Variants in CADM2 observed in about 807,000 individuals in gnomAD.
CADM2 encodes immunoglobulin superfamily member 4D.
CADM2 carries 12 observed loss-of-function variants against 49.8 expected under a neutral mutation model. The ratio of observed to expected loss-of-function variants is 0.24; its 90% confidence interval spans 0.15 to 0.39. The LOEUF (loss-of-function observed/expected upper bound fraction) is 0.39, where lower values mean the gene tolerates loss of function less well. Ranked by LOEUF, CADM2 falls within the 10% of genes least tolerant of loss-of-function variation. The pLI is 1.00. For synonymous variants in CADM2, 214 were observed against 175.4 expected, an observed-to-expected ratio of 1.22 and a Z score of -1.74; for missense variants, 378 against 492.3, an observed-to-expected ratio of 0.77 and a Z score of 2.20.
intron 1 of CADM2, among the ~76,000 whole-genome samples, chr3:85,313,672 CCTA>C (rs2044398223): frequency 6.6e-6 from 1 of 152,156 alleles, no homozygotes; most frequent in African/African-American, 2.4e-5. Flanking sequence ...TTAATGAAAA[CCTA>C]CTTTTGTATT....
At chr3:85,491,981 C>G (rs2039696112) in intron 1 of CADM2, among the ~76,000 whole-genome samples, 1 of 151,570 alleles carries the variant, frequency 6.6e-6, no homozygotes. Flanking sequence ...TGTACAACTC[C>G]AAGTTGTCTG....
chr3:85,874,558 A>G (rs938033759), intron 3 of CADM2, among the ~76,000 whole-genome samples: 5 of 151,950 alleles, frequency 3.3e-5, no homozygotes, highest in Non-Finnish European at 7.4e-5. Flanking sequence ...TCATATGTCT[A>G]TGAGGAGACC....
rs958120126 is a variant in CADM2 at position 86,067,944 on chromosome 3, G to A, written c.*1161G>A. The stretch of plus-strand genomic sequence containing the variant: ...ATTTTAAGCTAACAACCAGTGCACA[G>A]CCTCAGGTTTTAAATTACAACCACA... On this transcript the variant is annotated 3_prime_UTR_variant, in exon 10 of 10. Transcript: ENST00000383699. 3.3e-5 allele frequency: 5 copies of A among 152,408 alleles called. No individual in the cohort carries two copies. The highest frequency in any genetic ancestry group is 1.2e-4 in the African/African-American group (5 of 41,414). 9.4% of individuals were successfully genotyped at this position (152,408 alleles called of 1,614,324 possible). A position where few individuals can be genotyped will look rare whatever the true frequency, so the allele number is the denominator to read the frequency against.
At chr3:85,345,490 A>G (rs971232626) in intron 1 of CADM2, among the ~76,000 whole-genome samples, 3 of 152,174 alleles carry the variant, frequency 2.0e-5, no homozygotes, top group Non-Finnish European at 4.4e-5. Context: ...CAATGAGAAT[A>G]TAAAATGACT....
chr3:85,990,965 T>G (rs935717947), intron 8 of CADM2, among the ~76,000 whole-genome samples: 9 of 152,082 alleles, frequency 5.9e-5, no homozygotes, highest in African/African-American at 2.2e-4. Context: ...AACCAGTAGG[T>G]AGAGAAAGGA....
intron 2 of CADM2, among the ~76,000 whole-genome samples, chr3:85,771,462 A>G (rs2070081423): frequency 6.6e-6 from 1 of 152,132 alleles, no homozygotes; most frequent in African/African-American, 2.4e-5. Context: ...AAGTATCATA[A>G]GTTATTTGAG....
At chr3:85,505,846 G>C (rs376393025) in intron 1 of CADM2, among the ~76,000 whole-genome samples, 8 of 152,128 alleles carry the variant, frequency 5.3e-5, no homozygotes, top group Admixed American at 5.2e-4. Context: ...TAGTCAAACA[G>C]CAATGAAACA....
At chr3:85,231,181 A>G (rs937584447) in intron 1 of CADM2, among the ~76,000 whole-genome samples, 3 of 152,136 alleles carry the variant, frequency 2.0e-5, no homozygotes, top group Non-Finnish European at 4.4e-5. Flanking sequence ...TAAAGGCTCT[A>G]TCTACAAATA....
chr3:85,493,251 C>A (rs916528972), intron 1 of CADM2, among the ~76,000 whole-genome samples: 1 of 151,778 alleles, frequency 6.6e-6, no homozygotes, highest in Non-Finnish European at 1.5e-5. Context: ...TGGAGATTTC[C>A]AACTAAAATT....
intron 8 of CADM2, among the ~76,000 whole-genome samples, chr3:86,015,311 A>C (rs569380236): frequency 2.0e-5 from 3 of 152,300 alleles, no homozygotes; most frequent in African/African-American, 7.2e-5. Context: ...CTGTTCTTCC[A>C]GAAGAGAACA....
intron 1 of CADM2, among the ~76,000 whole-genome samples, chr3:85,535,999 G>GC (rs2061414991): frequency 6.6e-6 from 1 of 152,014 alleles, no homozygotes; most frequent in South Asian, 2.1e-4. Context: ...TGGGAGTCTT[G>GC]TTTGTCCCAG....
intron 2 of CADM2, among the ~76,000 whole-genome samples, chr3:85,743,092 T>C (rs2068463086): frequency 6.6e-6 from 1 of 152,170 alleles, no homozygotes; most frequent in Admixed American, 6.6e-5. Flanking sequence ...TGCATCCCTG[T>C]TCCCAGTGGT....
chr3:85,700,881 C>T (rs1211277637), intron 1 of CADM2, among the ~76,000 whole-genome samples: 1 of 152,200 alleles, frequency 6.6e-6, no homozygotes, highest in Non-Finnish European at 1.5e-5. Context: ...GGTTTTCCAA[C>T]CTCTGCCTGT....
chr3:86,005,737 T>C (rs1464429567), intron 8 of CADM2, among the ~76,000 whole-genome samples: 1 of 152,178 alleles, frequency 6.6e-6, no homozygotes, highest in Admixed American at 6.5e-5. Flanking sequence ...AACTGTACAG[T>C]TACTATTGAC....
intron 1 of CADM2, among the ~76,000 whole-genome samples, chr3:85,471,687 C>CATTTTATTTTATTTT (rs56816947): frequency 0.24 from 34,623 of 143,176 alleles, 4,576 homozygotes; most frequent in Middle Eastern, 0.3. Flanking sequence ...ATATTTTTAG[C>CATTTTATTTTATTTT]ATTTTATTTT....
At chr3:85,898,464 T>A (rs1419311969) in intron 5 of CADM2, among the ~76,000 whole-genome samples, 1 of 152,016 alleles carries the variant, frequency 6.6e-6, no homozygotes, top group Non-Finnish European at 1.5e-5. Context: ...CTCTGCCCAC[T>A]CTCTACCTCA....
At chr3:85,566,033 C>T (rs7617306) in intron 1 of CADM2, among the ~76,000 whole-genome samples, 77,884 of 151,856 alleles carry the variant, frequency 0.51, 23,040 homozygotes, top group East Asian at 0.85. Context: ...TGTAAAATGA[C>T]GTTGGAATAC....
intron 1 of CADM2, among the ~76,000 whole-genome samples, chr3:85,716,452 A>G (rs2067296607): frequency 6.6e-6 from 1 of 151,982 alleles, no homozygotes; most frequent in Non-Finnish European, 1.5e-5. Flanking sequence ...AATTCTGTAG[A>G]TTGCCTGTTC....
chr3:85,282,852 A>G (rs2043539097), intron 1 of CADM2, among the ~76,000 whole-genome samples: 1 of 152,102 alleles, frequency 6.6e-6, no homozygotes, highest in East Asian at 1.9e-4. Context: ...TGACTATACT[A>G]AAAAAGAATA....
Sources: gnomAD v4.1 joint callset for allele counts (sites outside exome capture counted in the v4.1 genomes callset) on GRCh38, gnomAD v4.1.1 for gene constraint, MANE v1.5 for transcripts, NCBI Gene and HGNC (gene_info 2026-07-23, HGNC 2026-07-21) for gene names.